SYNRG: variants seen among roughly 807,000 people sequenced by gnomAD.
The protein encoded by SYNRG is synergin gamma, also known as AP1 gamma subunit binding protein 1.
SYNRG carries 37 observed loss-of-function variants against 130.9 expected under a neutral mutation model. The ratio of observed to expected loss-of-function variants is 0.28; its 90% confidence interval spans 0.22 to 0.37. The LOEUF (loss-of-function observed/expected upper bound fraction) is 0.37, where lower values mean the gene tolerates loss of function less well. Among genes scored for constraint, SYNRG ranks in the 10% least tolerant of loss-of-function variants. The pLI is 1.00. For synonymous variants in SYNRG, 539 were observed against 568.1 expected (o/e 0.95, Z 0.73); for missense variants, 1,338 against 1,588.9 (o/e 0.84, Z 2.68).
rs4795207 is a variant in SYNRG, at chr17:37,596,216, C to T, written c.240+7G>A. ...CTTTGTAAGAAACCAACTAAAGAAG[C>T]AAGTACCTGCATAGCAATAGGTCCT... is the stretch of plus-strand genomic sequence containing the variant. On this transcript the variant is annotated splice_region_variant and intron_variant, in intron 3 of 21. Coordinates refer to ENST00000612223, the MANE Select transcript of SYNRG (RefSeq NM_007247.6). 1.5e-3 allele frequency: 2,360 copies of T among 1,612,464 alleles called. 30 individuals carry two copies. The African/African-American group carries it at 0.029, about 20-fold the overall frequency.
At chr17:37,526,291 C>CG (rs755276921) in intron 19 of SYNRG, among the ~76,000 whole-genome samples, 3 of 152,182 alleles carry the variant, frequency 2.0e-5, no homozygotes, top group Non-Finnish European at 4.4e-5. Flanking sequence ...CAGAGCCCCC[C>CG]ACCAACTTGA....
intron 11 of SYNRG, among the ~76,000 whole-genome samples, chr17:37,565,024 G>C (rs937797994): frequency 7.9e-5 from 12 of 152,320 alleles, no homozygotes; most frequent in African/African-American, 2.9e-4. Flanking sequence ...GGCACTTTGG[G>C]AGGCCGAGGC....
Position 37,542,423 on chromosome 17 carries a change from ACTT to A in SYNRG, c.2748_2750del (p.Ser917del), listed in dbSNP as rs1209162101. 6.2e-7 allele frequency: 1 copy of A among 1,614,088 alleles called. No individual in the cohort carries two copies. Among genetic ancestry groups the A allele is most frequent in the Non-Finnish European group, 8.5e-7 (1 of 1,180,060 alleles). On this transcript the variant is annotated inframe_deletion, in exon 15 of 22. Coordinates refer to ENST00000612223, the MANE Select transcript of SYNRG (RefSeq NM_007247.6). ...GAATTGAGGTGGCTGAGGGGGATCC[ACTT>A]CCTGCTGAGAGGACAAATGGAGAGA...
chr17:37,553,042 G>A (rs1490898026), intron 14 of SYNRG, 73 bp downstream of exon 14: 33 of 1,422,052 alleles, frequency 2.3e-5, no homozygotes, highest in Non-Finnish European at 3.2e-5. Flanking sequence ...CCTTACTCAT[G>A]TAAATCAACA....
At chr17:37,522,011 C>T (rs1293586748) in intron 19 of SYNRG, among the ~76,000 whole-genome samples, 3 of 152,148 alleles carry the variant, frequency 2.0e-5, no homozygotes, top group Admixed American at 6.5e-5. Context: ...GATACACATA[C>T]AGGCCTCCTG....
chr17:37,592,372 G>GA (rs1218194958), intron 3 of SYNRG, among the ~76,000 whole-genome samples: 1 of 152,126 alleles, frequency 6.6e-6, no homozygotes, highest in Non-Finnish European at 1.5e-5. Flanking sequence ...AGCTACTCTG[G>GA]AAAAAAGTTT....
In SYNRG at chr17:37,539,248, GT is replaced by G. The variant is rs760028233; in HGVS notation, c.3367-4del. The stretch of plus-strand genomic sequence containing the variant: ...TCATATGCATATCTCTCATTTTCCT[GT>G]GAATTTGTTAAAAAGAACTGGGTTA... On this transcript the variant is annotated splice_region_variant and splice_polypyrimidine_tract_variant and intron_variant, in intron 16 of 21. Coordinates refer to ENST00000612223, the MANE Select transcript of SYNRG (RefSeq NM_007247.6). 6.2e-7 allele frequency: 1 copy of G among 1,613,980 alleles called. No individual in the cohort carries two copies. Among genetic ancestry groups the G allele is most frequent in the Admixed American group, 1.7e-5 (1 of 60,028 alleles).
chr17:37,520,407 C>CA (rs1173960689), intron 20 of SYNRG, 131 bp downstream of exon 20: 24 of 1,096,634 alleles, frequency 2.2e-5, no homozygotes, highest in Non-Finnish European at 3.0e-5. Context: ...CTGCTCCTAC[C>CA]ATCAGCTTTT....
chr17:37,528,374 G>A (rs1213049008), intron 19 of SYNRG, among the ~76,000 whole-genome samples: 2 of 152,126 alleles, frequency 1.3e-5, no homozygotes, highest in African/African-American at 2.4e-5. Flanking sequence ...GGGTTACCAG[G>A]ATTAAATTAG....
At chr17:37,567,071 G>C (rs538544779) in intron 11 of SYNRG, 27 of 152,358 alleles carry the variant, frequency 1.8e-4, no homozygotes, top group African/African-American at 6.5e-4. Flanking sequence ...TTCTGAAATG[G>C]AACTATAACT....
chr17:37,591,192 T>A (rs2062156663), intron 3 of SYNRG, among the ~76,000 whole-genome samples: 1 of 152,310 alleles, frequency 6.6e-6, no homozygotes, highest in Admixed American at 6.5e-5. Context: ...AATGAATATG[T>A]GAACACTGAC....
intron 9 of SYNRG, 95 bp downstream of exon 9, chr17:37,571,696 G>T: frequency 8.9e-7 from 1 of 1,121,068 alleles, no homozygotes; most frequent in Non-Finnish European, 1.3e-6. Context: ...AAATTTTAAT[G>T]TACAAGGAGT....
At chr17:37,597,171 G>A (rs1386843528) in intron 2 of SYNRG, among the ~76,000 whole-genome samples, 4 of 152,216 alleles carry the variant, frequency 2.6e-5, no homozygotes, top group Non-Finnish European at 4.4e-5. Context: ...GTAAGGTACT[G>A]AGGTCTTCTG....
Position 37,553,347 on chromosome 17 carries a change from G to A in SYNRG, c.2376C>T (p.Ser792=). Residue 792 remains serine, a synonymous_variant, in exon 14 of 22, where the codon TCC becomes TCT. Transcript: ENST00000612223. The part of the protein sequence containing the change: ...SKFSSINSDK[S]LGEKAVAFRH... ...TGAAAGCCACTGCTTTCTCTCCCAG[G>A]GATTTGTCCGAGTTTATGGAAGAAA... is the stretch of plus-strand genomic sequence containing the variant. 1 of 1,614,178 alleles carries A rather than the reference G, an allele frequency of 6.2e-7. No homozygotes were observed. The highest frequency in any genetic ancestry group is 8.5e-7 in the Non-Finnish European group (1 of 1,180,026).
intron 11 of SYNRG, among the ~76,000 whole-genome samples, chr17:37,565,347 T>C (rs1429308718): frequency 6.6e-6 from 1 of 152,052 alleles, no homozygotes; most frequent in Non-Finnish European, 1.5e-5. Flanking sequence ...CTGCAAAGTA[T>C]CAATGGTGCC....
rs770755024 is a variant in SYNRG, at chr17:37,586,473, G to A, written c.317C>T (p.Pro106Leu). Residue 106 changes from proline (P) to leucine (L), a missense_variant, in exon 4 of 22, where the codon CCT becomes CTT. Pro to Leu is a moderately conservative substitution (Grantham distance 98, BLOSUM62 -3). Around this residue, in one of 3 missense-constraint regions of SYNRG, gnomAD observed 184 missense variants for 217.2 expected, o/e 0.85. Transcript: ENST00000612223. ...LGQAPFLGMR[P>L]PGPQYTPDMQ... ...GTCTGGAGTGTACTGTGGGCCTGGA[G>A]GACGCATGCCCAGGAAGGGTGCTTG... 7 of 1,614,064 alleles carry A rather than the reference G, an allele frequency of 4.3e-6. No homozygotes were observed. The Admixed American group carries it at 1.2e-4, about 27-fold the overall frequency.
intron 3 of SYNRG, among the ~76,000 whole-genome samples, chr17:37,587,872 T>C (rs529685944): frequency 2.0e-5 from 3 of 152,334 alleles, no homozygotes; most frequent in African/African-American, 7.2e-5. Flanking sequence ...ATCTGGATGT[T>C]AGGCATCCCG....
At position 37,553,725 on chromosome 17, in the gene SYNRG, C is replaced by T. The variant is rs1296194172; in HGVS notation, c.1998G>A (p.Leu666=). 6.2e-6 allele frequency: 10 copies of T among 1,613,554 alleles called. No individual in the cohort carries two copies. Among genetic ancestry groups the T allele is most frequent in the Non-Finnish European group, 8.5e-6 (10 of 1,179,902 alleles). Reference sequence around the variant, plus strand: ...GGCTGAATTCTCCAAAATCATCAGCCAAACTAGAAGTTTTTGTTGCTGCCA... The same window carrying T: ...GGCTGAATTCTCCAAAATCATCAGCTAAACTAGAAGTTTTTGTTGCTGCCA... The part of the protein sequence containing the change: ...TALAATKTSS[L]ADDFGEFSLF... Residue 666 remains leucine, a synonymous_variant, in exon 14 of 22, where the codon TTG becomes TTA. Transcript: ENST00000612223.
In SYNRG at chr17:37,553,515, T is replaced by C. The variant is rs1454218990; in HGVS notation, c.2208A>G (p.Gln736=). 3 of 1,614,084 alleles carry C rather than the reference T, an allele frequency of 1.9e-6. No homozygotes were observed. Among genetic ancestry groups the C allele is most frequent in the African/African-American group, 1.3e-5 (1 of 74,912 alleles). Residue 736 remains glutamine (Q), a synonymous_variant, in exon 14 of 22, where the codon CAA becomes CAG. Coordinates refer to ENST00000612223, the MANE Select transcript of SYNRG (RefSeq NM_007247.6). Reference sequence around the variant, plus strand: ...ACTTGGTAGACGCAGCAGTCGAGTTTTGTCCACCCTTCACTGTGCTGCCCA... The same window carrying C: ...ACTTGGTAGACGCAGCAGTCGAGTTCTGTCCACCCTTCACTGTGCTGCCCA... ...SNVGSTVKGG[Q]NSTAASTKYD...
Sources: gnomAD v4.1 joint callset for allele counts (sites outside exome capture counted in the v4.1 genomes callset) on GRCh38, gnomAD v4.1.1 for gene constraint, gnomAD v4.1.1 regional missense constraint, MANE v1.5 for transcripts, NCBI Gene and HGNC (gene_info 2026-07-23, HGNC 2026-07-21) for gene names.